STPG2: variants seen among roughly 807,000 people sequenced by gnomAD.
STPG2 encodes the protein sperm-tail PG-rich repeat-containing protein 2.
A neutral mutation model predicts 54.2 loss-of-function variants in STPG2; 56 were observed. The observed-to-expected ratio is 1.03, with a 90% confidence interval of 0.83 to 1.29. The LOEUF is 1.29. Among genes scored for constraint, STPG2 ranks in the 50% most tolerant of loss-of-function variants. The probability of loss-of-function intolerance (pLI) is 0.00; values close to 1 mark genes in which losing one functional copy is unlikely to be tolerated. For synonymous variants in STPG2, 200 were observed against 181.8 expected (o/e 1.10, Z -0.81); for missense variants, 596 against 544.9 (o/e 1.09, Z -0.93).
chr4:97,764,231 C>A (rs535866130), intron 9 of STPG2, among the ~76,000 whole-genome samples: 1 of 151,958 alleles, frequency 6.6e-6, no homozygotes, highest in Admixed American at 6.6e-5. Flanking sequence ...ATGGAACTTG[C>A]CTAGGGTGGA....
intron 4 of STPG2, among the ~76,000 whole-genome samples, chr4:97,475,425 T>C (rs1316196844): frequency 6.6e-6 from 1 of 150,460 alleles, no homozygotes; most frequent in Non-Finnish European, 1.5e-5. Context: ...ATACAATGTT[T>C]ATCAAAAAGT....
At chr4:97,729,097 C>CTCTCTCTCTCTCTCTCTT (rs1724716617) in intron 9 of STPG2, among the ~76,000 whole-genome samples, 1 of 146,400 alleles carries the variant, frequency 6.8e-6, no homozygotes, top group Non-Finnish European at 1.5e-5. Context: ...CTCTCTCTCT[C>CTCTCTCTCTCTCTCTCTT]AGGGCTCACT....
rs193014741 is a variant in STPG2, at chr4:97,541,634, T to C, written c.462+171065A>G. Among the ~76,000 whole-genome samples the C allele has an allele frequency of 1.4e-4, 22 of 152,242 alleles. No individual in the cohort carries two copies. The East Asian group carries it at 4.1e-3, about 28-fold the overall frequency. ...GGAAAAACCTACTTTAGAGTTTATA[T>C]GGAACCAAAAAAGAGCCTGCATTGC... On this transcript the variant is annotated intron_variant, in intron 4 of 4. Coordinates refer to the STPG2 transcript ENST00000522676.
At chr4:98,123,120 T>C (rs1739728655) in intron 3 of STPG2, among the ~76,000 whole-genome samples, 1 of 152,156 alleles carries the variant, frequency 6.6e-6, no homozygotes. Flanking sequence ...TCAGTCTATC[T>C]ATTTTATTAA....
chr4:97,486,477 C>A (rs1578336250), intron 4 of STPG2, among the ~76,000 whole-genome samples: 1 of 151,632 alleles, frequency 6.6e-6, no homozygotes, highest in Admixed American at 6.6e-5. Flanking sequence ...ATACCACCTA[C>A]TCCTGCAAGA....
intron 10 of STPG2, among the ~76,000 whole-genome samples, chr4:97,675,754 G>T (rs1384901664): frequency 6.6e-6 from 1 of 151,412 alleles, no homozygotes; most frequent in Non-Finnish European, 1.5e-5. Context: ...CACTATAGTG[G>T]CCACAAACTT....
At chr4:97,544,730 T>C (rs1026410631) in intron 4 of STPG2, among the ~76,000 whole-genome samples, 7 of 152,122 alleles carry the variant, frequency 4.6e-5, no homozygotes, top group Non-Finnish European at 1.0e-4. Flanking sequence ...GCCTAATCTC[T>C]ACTTAAACCT....
chr4:98,063,672 C>A (rs1306060890), intron 5 of STPG2, among the ~76,000 whole-genome samples: 1 of 119,272 alleles, frequency 8.4e-6, no homozygotes, highest in East Asian at 2.3e-4. Flanking sequence ...TAAGTAAATT[C>A]ACCACTTTGA....
intron 3 of STPG2, among the ~76,000 whole-genome samples, chr4:98,110,355 C>G (rs1739311808): frequency 6.6e-6 from 1 of 152,152 alleles, no homozygotes; most frequent in African/African-American, 2.4e-5. Context: ...AATGGGCTCA[C>G]ACATGCACAC....
intron 10 of STPG2, among the ~76,000 whole-genome samples, chr4:97,653,066 T>G (rs981295404): frequency 2.0e-5 from 3 of 151,158 alleles, no homozygotes; most frequent in African/African-American, 7.3e-5. Context: ...ATTAGCAAAG[T>G]GATTAGGTAG....
intron 9 of STPG2, among the ~76,000 whole-genome samples, chr4:97,795,877 T>A (rs973450245): frequency 1.3e-5 from 2 of 152,196 alleles, no homozygotes; most frequent in Admixed American, 6.5e-5. Flanking sequence ...TCCTGACTTT[T>A]TAATGACCAC....
chr4:97,893,441 G>C (rs756518607), intron 8 of STPG2, among the ~76,000 whole-genome samples: 14 of 151,912 alleles, frequency 9.2e-5, no homozygotes, highest in Non-Finnish European at 1.9e-4. Context: ...TTTCTCTTTC[G>C]TTTAAAATAA....
At chr4:97,840,995 C>T in intron 8 of STPG2, 63 bp from the exon 9 acceptor site, 1 of 1,504,302 alleles carries the variant, frequency 6.6e-7, no homozygotes, top group Non-Finnish European at 9.0e-7. Flanking sequence ...CAAGAAGATA[C>T]CAGATGGATG....
chr4:97,683,793 A>G (rs1009626952), intron 10 of STPG2, among the ~76,000 whole-genome samples: 8 of 151,762 alleles, frequency 5.3e-5, no homozygotes, highest in Non-Finnish European at 1.2e-4. Context: ...AACTAAATAA[A>G]AGTATATAAA....
intron 5 of STPG2, among the ~76,000 whole-genome samples, chr4:97,993,274 C>T (rs1267004960): frequency 6.6e-6 from 1 of 152,070 alleles, no homozygotes; most frequent in Admixed American, 6.6e-5. Flanking sequence ...GCCGATTTTG[C>T]TGAGGGTTTA....
At chr4:98,040,763 CTGCTTTGT>C (rs1329405272) in intron 5 of STPG2, among the ~76,000 whole-genome samples, 1 of 151,820 alleles carries the variant, frequency 6.6e-6, no homozygotes, top group Non-Finnish European at 1.5e-5. Flanking sequence ...GTGATGTCTC[CTGCTTTGT>C]TCCTTTTGCT....
downstream of STPG2, among the ~76,000 whole-genome samples, chr4:97,558,456 AG>A (rs1732134765): frequency 6.6e-6 from 1 of 152,228 alleles, no homozygotes; most frequent in Admixed American, 6.5e-5. Flanking sequence ...ATTACAAAAA[AG>A]CCTGACTTCA....
At chr4:97,694,173 T>A (rs1316598215) in intron 10 of STPG2, among the ~76,000 whole-genome samples, 1 of 151,876 alleles carries the variant, frequency 6.6e-6, no homozygotes, top group Non-Finnish European at 1.5e-5. Flanking sequence ...TAGAGCAGAA[T>A]TGAATGAAAC....
intron 4 of STPG2, among the ~76,000 whole-genome samples, chr4:97,444,749 G>C (rs1197319694): frequency 5.3e-5 from 8 of 152,176 alleles, no homozygotes; most frequent in African/African-American, 1.7e-4. Flanking sequence ...ACTTAAGTAG[G>C]CTGGGTGCAG....
Sources: gnomAD v4.1 joint callset for allele counts (sites outside exome capture counted in the v4.1 genomes callset) on GRCh38, gnomAD v4.1.1 for gene constraint, MANE v1.5 for transcripts, NCBI Gene and HGNC (gene_info 2026-07-23, HGNC 2026-07-21) for gene names.